NUMB: variants seen among roughly 807,000 people sequenced by gnomAD.
NUMB encodes NUMB endocytic adaptor protein.
In NUMB, 29 loss-of-function variants were observed where a neutral mutation model predicts 59.7. The observed-to-expected ratio is 0.49, with a 90% confidence interval of 0.36 to 0.66. NUMB has a LOEUF of 0.66. Among genes scored for constraint, NUMB ranks in the 30% least tolerant of loss-of-function variants. The pLI, the probability that NUMB is intolerant of heterozygous loss-of-function variation, is 0.00. For missense variants in NUMB, 723 were observed against 822.0 expected (o/e 0.88, Z 1.47); for synonymous variants, 288 against 288.2 (o/e 1.00, Z 0.01).
chr14:73,454,434 A>G (rs949292593), intron 1 of NUMB, among the ~76,000 whole-genome samples: 13 of 152,196 alleles, frequency 8.5e-5, no homozygotes, highest in African/African-American at 2.7e-4. Context: ...GGGGTTTTAT[A>G]CTTTTAGAGA....
At chr14:73,348,613 C>A (rs1037094578) in intron 4 of NUMB, among the ~76,000 whole-genome samples, 2 of 152,220 alleles carry the variant, frequency 1.3e-5, no homozygotes, top group African/African-American at 2.4e-5. Context: ...TTATGAGAAT[C>A]TAAGGCCTGA....
At chr14:73,293,417 A>G (rs1889539696) in intron 7 of NUMB, among the ~76,000 whole-genome samples, 1 of 119,950 alleles carries the variant, frequency 8.3e-6, no homozygotes, top group East Asian at 2.2e-4. Context: ...TTTTTTGGAC[A>G]GTCTCACTCT....
At chr14:73,449,255 A>G (rs989204066) in intron 1 of NUMB, among the ~76,000 whole-genome samples, 20 of 152,088 alleles carry the variant, frequency 1.3e-4, no homozygotes, top group African/African-American at 4.8e-4. Flanking sequence ...TAAATACTAC[A>G]CCATCTTATA....
At chr14:73,388,414 G>C (rs970564235) in intron 2 of NUMB, among the ~76,000 whole-genome samples, 1 of 152,128 alleles carries the variant, frequency 6.6e-6, no homozygotes, top group Non-Finnish European at 1.5e-5. Flanking sequence ...ATTTAAAAAA[G>C]TCAAATAAAT....
chr14:73,299,622 TAA>T (rs1890012374), intron 6 of NUMB, among the ~76,000 whole-genome samples: 1 of 151,068 alleles, frequency 6.6e-6, no homozygotes, highest in African/African-American at 2.4e-5. Flanking sequence ...ATATGTCATA[TAA>T]TATGACATAT....
chr14:73,358,123 C>T (rs1450087863), intron 3 of NUMB, among the ~76,000 whole-genome samples: 3 of 151,960 alleles, frequency 2.0e-5, no homozygotes, highest in Admixed American at 6.6e-5. Flanking sequence ...TCCAGTCCTA[C>T]TATCCTGAGA....
intron 4 of NUMB, among the ~76,000 whole-genome samples, chr14:73,330,518 G>A (rs1468728527): frequency 6.6e-6 from 1 of 152,080 alleles, no homozygotes; most frequent in Non-Finnish European, 1.5e-5. Flanking sequence ...ATGGTCTTGG[G>A]CAAATTACAC....
intron 6 of NUMB, among the ~76,000 whole-genome samples, chr14:73,304,140 A>G (rs1890293981): frequency 6.6e-6 from 1 of 152,218 alleles, no homozygotes; most frequent in Non-Finnish European, 1.5e-5. Context: ...TGGTGAAGGA[A>G]CATAAAATGG....
At chr14:73,347,523 T>C (rs1350715477) in intron 4 of NUMB, among the ~76,000 whole-genome samples, 1 of 152,200 alleles carries the variant, frequency 6.6e-6, no homozygotes, top group Non-Finnish European at 1.5e-5. Flanking sequence ...TTCCTTATTT[T>C]GCATCCATTC....
At chr14:73,349,728 A>C (rs573192534) in intron 4 of NUMB, among the ~76,000 whole-genome samples, 1 of 152,050 alleles carries the variant, frequency 6.6e-6, no homozygotes, top group East Asian at 1.9e-4. Context: ...AAATACAAAA[A>C]ATTAGCCAGG....
At chr14:73,395,940 T>C (rs1369648911) in intron 2 of NUMB, among the ~76,000 whole-genome samples, 1 of 152,242 alleles carries the variant, frequency 6.6e-6, no homozygotes, top group Non-Finnish European at 1.5e-5. Flanking sequence ...ATCCTTAACA[T>C]AGCTGTTTCT....
chr14:73,302,864 G>A (rs1890228513), intron 6 of NUMB, among the ~76,000 whole-genome samples: 1 of 152,136 alleles, frequency 6.6e-6, no homozygotes, highest in Non-Finnish European at 1.5e-5. Context: ...TAGGCCATCA[G>A]GCCGCAGTTA....
chr14:73,279,634 TATAG>T (rs1888473900), intron 11 of NUMB, among the ~76,000 whole-genome samples: 1 of 152,238 alleles, frequency 6.6e-6, no homozygotes, highest in African/African-American at 2.4e-5. Context: ...TAAATGGTTG[TATAG>T]ATAAAGTCAA....
chr14:73,427,247 G>A (rs1208796671), intron 1 of NUMB, among the ~76,000 whole-genome samples: 2 of 152,032 alleles, frequency 1.3e-5, no homozygotes, highest in African/African-American at 2.4e-5. Context: ...GGGAGGCAGA[G>A]GCAGACGGAT....
At chr14:73,315,982 G>A (rs1416983770) in intron 6 of NUMB, among the ~76,000 whole-genome samples, 2 of 152,070 alleles carry the variant, frequency 1.3e-5, no homozygotes, top group African/African-American at 2.4e-5. Context: ...CACCTCTTGG[G>A]TTCAATCGAT....
intron 6 of NUMB, among the ~76,000 whole-genome samples, chr14:73,309,216 T>A (rs1251810860): frequency 6.6e-6 from 1 of 152,042 alleles, no homozygotes; most frequent in Non-Finnish European, 1.5e-5. Context: ...TTTTAAAGAA[T>A]AGGATCCAAT....
intron 4 of NUMB, among the ~76,000 whole-genome samples, chr14:73,350,430 C>CA (rs1893181947): frequency 6.6e-6 from 1 of 151,866 alleles, no homozygotes; most frequent in Non-Finnish European, 1.5e-5. Context: ...GCCTCAGCCT[C>CA]CCAAAGTGCT....
At chr14:73,411,729 G>A (rs1250139278) in intron 1 of NUMB, among the ~76,000 whole-genome samples, 1 of 152,000 alleles carries the variant, frequency 6.6e-6, no homozygotes, top group Non-Finnish European at 1.5e-5. Context: ...TATTTTTACA[G>A]AAATTAAAGT....
At chr14:73,347,873 CG>C (rs1242470138) in intron 4 of NUMB, among the ~76,000 whole-genome samples, 3 of 152,168 alleles carry the variant, frequency 2.0e-5, no homozygotes, top group Admixed American at 2.0e-4. Context: ...AATTTATGTA[CG>C]GTCAGTCCGC....
Sources: allele counts gnomAD v4.1 joint callset (sites outside exome capture counted in the v4.1 genomes callset), GRCh38; gene constraint gnomAD v4.1.1; transcripts MANE v1.5; gene names NCBI Gene and HGNC (gene_info 2026-07-23, HGNC 2026-07-21).